The following SCNN1B variants were observed in gnomAD, a reference collection of about 807,000 sequenced individuals.
SCNN1B encodes epithelial sodium channel subunit beta.
In SCNN1B, 46 loss-of-function variants were observed where a neutral mutation model predicts 65.3. The ratio of observed to expected loss-of-function variants is 0.70; its 90% CI spans 0.56 to 0.90. The LOEUF (loss-of-function observed/expected upper bound fraction) is 0.90. Ranked by LOEUF, SCNN1B falls within the 40% of genes least tolerant of loss-of-function variation. The probability of loss-of-function intolerance (pLI) is 0.00; values close to 1 mark genes in which losing one functional copy is unlikely to be tolerated. For synonymous variants in SCNN1B, 349 were observed against 330.6 expected (o/e 1.06, Z -0.60); for missense variants, 751 against 830.5 (o/e 0.90, Z 1.18).
rs186825090 is a variant in SCNN1B at position 23,311,143 on chromosome 16, T to C, written c.-9+8706T>C. 3.8e-3 allele frequency among the ~76,000 whole-genome samples: 574 copies of C among 152,332 alleles called. 3 individuals carry two copies. Among genetic ancestry groups the C allele is most frequent in the Middle Eastern group, 6.8e-3 (2 of 294 alleles). ...TCACCCGCAGGAATTGACCCAGTGG[T>C]TATCTCTGCATTGGGCACAACTTGT... On this transcript the variant is annotated intron_variant, in intron 1 of 12. Coordinates refer to ENST00000343070, the MANE Select transcript of SCNN1B (RefSeq NM_000336.3).
chr16:23,296,797 C>T (rs1044834786), intron 2 of SCNN1B, among the ~76,000 whole-genome samples: 4 of 151,910 alleles, frequency 2.6e-5, no homozygotes, highest in Non-Finnish European at 4.4e-5. Flanking sequence ...GTCAGGAGAT[C>T]GGGACCATTC....
intron 1 of SCNN1B, among the ~76,000 whole-genome samples, chr16:23,315,609 G>C (rs1447185800): frequency 6.6e-6 from 1 of 152,092 alleles, no homozygotes; most frequent in Non-Finnish European, 1.5e-5. Context: ...TTTGAGACCA[G>C]CCTGCCTGGG....
intron 4 of SCNN1B, among the ~76,000 whole-genome samples, chr16:23,359,673 G>GAATT (rs1962495975): frequency 6.6e-6 from 1 of 152,130 alleles, no homozygotes; most frequent in South Asian, 2.1e-4. Flanking sequence ...AGCAGCTGCA[G>GAATT]AATTAGGAAA....
At chr16:23,374,911 C>T (rs947539073) in intron 7 of SCNN1B, among the ~76,000 whole-genome samples, 1 of 152,090 alleles carries the variant, frequency 6.6e-6, no homozygotes, top group African/African-American at 2.4e-5. Flanking sequence ...ACCACTGCCT[C>T]CATCCGTGCA....
intron 1 of SCNN1B, among the ~76,000 whole-genome samples, chr16:23,308,083 A>C (rs905054982): frequency 6.6e-6 from 1 of 152,178 alleles, no homozygotes; most frequent in Non-Finnish European, 1.5e-5. Context: ...GCATGCCTGT[A>C]GTCCCAGCTA....
chr16:23,327,585 C>T (rs1231838490), intron 1 of SCNN1B, among the ~76,000 whole-genome samples: 1 of 152,116 alleles, frequency 6.6e-6, no homozygotes, highest in Non-Finnish European at 1.5e-5. Context: ...AATGGCTCCC[C>T]AATACCTCAT....
chr16:23,322,074 C>T (rs1244622797), intron 1 of SCNN1B, among the ~76,000 whole-genome samples: 1 of 151,996 alleles, frequency 6.6e-6, no homozygotes, highest in Non-Finnish European at 1.5e-5. Flanking sequence ...TGTAAACTGC[C>T]CCGACACAAA....
chr16:23,281,791 A>T (rs939813992), intron 1 of SCNN1B, among the ~76,000 whole-genome samples: 1 of 152,210 alleles, frequency 6.6e-6, no homozygotes, highest in Non-Finnish European at 1.5e-5. Context: ...AAAATCAGAC[A>T]TATTTGAGTT....
chr16:23,325,286 G>A (rs1481875631), intron 1 of SCNN1B, among the ~76,000 whole-genome samples: 1 of 151,634 alleles, frequency 6.6e-6, no homozygotes, highest in African/African-American at 2.4e-5. Context: ...TTTTTTTTGA[G>A]TCTGGAGTCT....
At chr16:23,364,385 G>T (rs1198461948) in intron 4 of SCNN1B, among the ~76,000 whole-genome samples, 1 of 152,104 alleles carries the variant, frequency 6.6e-6, no homozygotes, top group Non-Finnish European at 1.5e-5. Context: ...CAGGCACAAA[G>T]GACAACAGAG....
chr16:23,304,220 T>C, intron 1 of SCNN1B: 1 of 766,080 alleles, frequency 1.3e-6, no homozygotes, highest in Non-Finnish European at 2.2e-6. Flanking sequence ...GTCCTCTCTT[T>C]TCCACTGCTC....
At chr16:23,377,113 C>A in intron 8 of SCNN1B, 52 bp from the exon 9 acceptor site, 2 of 1,511,934 alleles carry the variant, frequency 1.3e-6, no homozygotes, top group Non-Finnish European at 9.1e-7. Context: ...GGAACAGGGG[C>A]ACCTAAAAAG....
In SCNN1B at chr16:23,380,162, C is replaced by G; in HGVS notation, c.1535C>G (p.Ala512Gly). The G allele has an allele frequency of 6.2e-7, 1 of 1,613,736 alleles. No individual in the cohort carries two copies. ...TATCGCACCATTGAAGAATCAGCAG[C>G]CAATAACGTGAGTTTAGGAGTCTCC... ...FNYRTIEESA[A>G]NNIVWLLSNL... The change falls in exon 12 of 13, where the codon GCC becomes GGC. Residue 512 changes from alanine (A) to glycine (G), a missense_variant. Coordinates refer to ENST00000343070, the MANE Select transcript of SCNN1B (RefSeq NM_000336.3). The surrounding 1 kb of genome is among the most constrained non-coding windows in gnomAD (Gnocchi z 5.4).
chr16:23,380,018 C>T lies in SCNN1B; in HGVS notation c.1467-76C>T, dbSNP rs1963005391. Reference sequence around the variant, plus strand: ...TGCACGTGCATGTGTGTGCATGTGTCTATGTGCGTGTGTGTGTGTCTGTCT... The same window carrying T: ...TGCACGTGCATGTGTGTGCATGTGTTTATGTGCGTGTGTGTGTGTCTGTCT... On this transcript the variant is annotated intron_variant, in intron 11 of 12. Coordinates refer to ENST00000343070, the MANE Select transcript of SCNN1B (RefSeq NM_000336.3). This position sits in a 1 kb window ranked among gnomAD's most constrained non-coding sequence, Gnocchi z 5.4. 2.8e-6 allele frequency: 3 copies of T among 1,076,520 alleles called. No homozygotes were observed. Among genetic ancestry groups the T allele is most frequent in the Non-Finnish European group, 4.3e-6 (3 of 690,050 alleles). 66.7% of individuals were successfully genotyped at this position (1,076,520 alleles called of 1,614,324 possible).
At chr16:23,349,021 C>T (rs1408528942) in intron 2 of SCNN1B, 111 bp downstream of exon 2, 1 of 891,190 alleles carries the variant, frequency 1.1e-6, no homozygotes, top group Non-Finnish European at 1.8e-6. Flanking sequence ...TCCTTTCTCT[C>T]CTTCTCTTTA....
intron 1 of SCNN1B, among the ~76,000 whole-genome samples, chr16:23,283,275 G>A (rs1184517570): frequency 6.6e-6 from 1 of 152,156 alleles, no homozygotes; most frequent in Non-Finnish European, 1.5e-5. Context: ...GCCAGGTGCG[G>A]TGGCACATGC....
chr16:23,318,045 A>G (rs891609052), intron 1 of SCNN1B, among the ~76,000 whole-genome samples: 2 of 152,222 alleles, frequency 1.3e-5, no homozygotes, highest in Admixed American at 6.5e-5. Context: ...GTAAATGCCA[A>G]TCAAGAGGCA....
chr16:23,369,563 GC>G (rs1245132029), intron 5 of SCNN1B, among the ~76,000 whole-genome samples: 1 of 152,064 alleles, frequency 6.6e-6, no homozygotes, highest in Non-Finnish European at 1.5e-5. Flanking sequence ...TGTGAGCCGG[GC>G]ACAGGTGGGA....
chr16:23,297,149 C>A (rs1468685426), intron 2 of SCNN1B, among the ~76,000 whole-genome samples: 2 of 152,190 alleles, frequency 1.3e-5, no homozygotes, highest in Non-Finnish European at 2.9e-5. Context: ...GTCCTTAACC[C>A]TCTGTCTCAG....
Sources: allele counts gnomAD v4.1 joint callset (sites outside exome capture counted in the v4.1 genomes callset), GRCh38; gene constraint gnomAD v4.1.1; non-coding constraint Gnocchi (gnomAD v3.1); transcripts MANE v1.5; gene names NCBI Gene and HGNC (gene_info 2026-07-23, HGNC 2026-07-21).